The following THSD7A variants were observed in gnomAD, a reference collection of about 807,000 sequenced individuals.
The protein encoded by THSD7A is thrombospondin type-1 domain-containing protein 7A.
A neutral mutation model predicts 231.3 loss-of-function variants in THSD7A; 96 were observed. That is an observed-to-expected ratio of 0.41 (90% CI 0.35 to 0.49). The LOEUF (loss-of-function observed/expected upper bound fraction) is 0.49. THSD7A is among the 20% of genes least tolerant of loss of function. The probability of loss-of-function intolerance (pLI) is 0.05; values close to 1 mark genes in which losing one functional copy is unlikely to be tolerated. For synonymous variants in THSD7A, 940 were observed against 743.3 expected, an observed-to-expected ratio of 1.26 and a Z score of -4.30; for missense variants, 2,290 against 2,070.2, an observed-to-expected ratio of 1.11 and a Z score of -2.06.
chr7:11,498,766 A>C (rs1787213723), intron 6 of THSD7A, among the ~76,000 whole-genome samples: 1 of 152,096 alleles, frequency 6.6e-6, no homozygotes, highest in Non-Finnish European at 1.5e-5. Flanking sequence ...CAAAGCTCCT[A>C]GAGGGAGAGA....
intron 10 of THSD7A, 24 bp from the exon 11 acceptor site, chr7:11,460,789 A>AGTGG (rs1785478176): frequency 6.3e-7 from 1 of 1,595,056 alleles, no homozygotes; most frequent in African/African-American, 1.3e-5. Context: ...ACAGAAGCCC[A>AGTGG]GTGGGGAAGA....
At chr7:11,642,761 C>G (rs116275175) in intron 1 of THSD7A, among the ~76,000 whole-genome samples, 2,532 of 152,202 alleles carry the variant, frequency 0.017, 66 homozygotes, top group African/African-American at 0.057. Context: ...TAATTCTGCA[C>G]TAACTTTAAC....
At position 11,831,520 on chromosome 7, in the gene THSD7A, T is replaced by C. The variant is rs907961847; in HGVS notation, c.190+237A>G. ...TCATGGAAGTGCGCGTTGCCCTCAT[T>C]ACAGAGCTGCGAGAGAAATATTCCA... On this transcript the variant is annotated intron_variant, in intron 1 of 27. Transcript: ENST00000423059. This position sits in a 1 kb window ranked among gnomAD's most constrained non-coding sequence, Gnocchi z 5.0. Among the ~76,000 whole-genome samples, 2 of 152,190 alleles carry C rather than the reference T, an allele frequency of 1.3e-5. No individual in the cohort carries two copies. The highest frequency in any genetic ancestry group is 2.9e-5 in the Non-Finnish European group (2 of 68,038).
At chr7:11,642,563 C>G (rs1782124972) in intron 1 of THSD7A, among the ~76,000 whole-genome samples, 2 of 152,076 alleles carry the variant, frequency 1.3e-5, no homozygotes, top group African/African-American at 4.8e-5. Context: ...GAAAGAAACA[C>G]TGGATGTCTT....
chr7:11,512,191 T>A (rs1787839455), intron 6 of THSD7A, among the ~76,000 whole-genome samples: 1 of 152,166 alleles, frequency 6.6e-6, no homozygotes, highest in African/African-American at 2.4e-5. Context: ...AAAATGCTCA[T>A]CATCACTGGC....
intron 3 of THSD7A, among the ~76,000 whole-genome samples, chr7:11,591,201 G>A (rs953925658): frequency 2.0e-5 from 3 of 147,916 alleles, no homozygotes; most frequent in East Asian, 2.0e-4. Flanking sequence ...TAATGAGTGC[G>A]GATGCATGAT....
intron 1 of THSD7A, among the ~76,000 whole-genome samples, chr7:11,797,253 G>C (rs375049792): frequency 2.8e-4 from 42 of 152,058 alleles, no homozygotes; most frequent in African/African-American, 9.9e-4. Flanking sequence ...TCATAATGCT[G>C]TTGTTAATTA....
chr7:11,559,489 G>A (rs1418361328), intron 4 of THSD7A, among the ~76,000 whole-genome samples: 1 of 115,088 alleles, frequency 8.7e-6, no homozygotes, highest in Non-Finnish European at 1.9e-5. Context: ...AAAATTTTAA[G>A]GTAATCCATA....
intron 22 of THSD7A, among the ~76,000 whole-genome samples, 154 bp from the exon 23 acceptor site, chr7:11,402,122 T>A (rs1347463882): frequency 6.6e-6 from 1 of 152,248 alleles, no homozygotes; most frequent in African/African-American, 2.4e-5. Context: ...ATTTGTAAAT[T>A]TGTAATTGTA....
intron 4 of THSD7A, among the ~76,000 whole-genome samples, chr7:11,555,587 G>T (rs1045121511): frequency 6.6e-6 from 1 of 151,814 alleles, no homozygotes; most frequent in African/African-American, 2.4e-5. Context: ...TTGGTTGATG[G>T]TACTGAGTTC....
At chr7:11,695,065 C>T (rs1780346858) in intron 1 of THSD7A, among the ~76,000 whole-genome samples, 1 of 151,408 alleles carries the variant, frequency 6.6e-6, no homozygotes, top group African/African-American at 2.4e-5. Flanking sequence ...AAAACCAAGA[C>T]CCAGTAAAGT....
At chr7:11,626,509 T>C (rs1439991927) in intron 2 of THSD7A, among the ~76,000 whole-genome samples, 1 of 152,176 alleles carries the variant, frequency 6.6e-6, no homozygotes, top group Non-Finnish European at 1.5e-5. Flanking sequence ...GAGATAATCA[T>C]ACGCTGGGAT....
chr7:11,821,722 C>T (rs1404177372), intron 1 of THSD7A, among the ~76,000 whole-genome samples: 1 of 152,108 alleles, frequency 6.6e-6, no homozygotes, highest in Non-Finnish European at 1.5e-5. Context: ...GAACCTCCTA[C>T]AAAATTACCC....
At chr7:11,639,542 G>GC (rs1355068561) in intron 1 of THSD7A, among the ~76,000 whole-genome samples, 2 of 151,940 alleles carry the variant, frequency 1.3e-5, no homozygotes, top group Non-Finnish European at 2.9e-5. Context: ...GGTGGCGGGC[G>GC]CTGTAGTCCT....
chr7:11,693,043 T>A lies in THSD7A; in HGVS notation c.191-56082A>T, dbSNP rs1780282468. Reference sequence around the variant, plus strand: ...ATACACTGTTGAAATAACAAATATATTCCTCAGAGTTATTGACCTCTGCTT... The same window carrying A: ...ATACACTGTTGAAATAACAAATATAATCCTCAGAGTTATTGACCTCTGCTT... On this transcript the variant is annotated intron_variant, in intron 1 of 27. Transcript: ENST00000423059. Among the ~76,000 whole-genome samples, 3 of 151,532 alleles carry A rather than the reference T, an allele frequency of 2.0e-5. No homozygotes were observed. In the Admixed American group the frequency reaches 2.0e-4, roughly 10 times the overall value.
intron 2 of THSD7A, among the ~76,000 whole-genome samples, chr7:11,602,791 T>C (rs1339156496): frequency 6.6e-6 from 1 of 151,724 alleles, no homozygotes; most frequent in African/African-American, 2.4e-5. Context: ...TTACGTAGAT[T>C]CTGGTGGTGA....
intron 17 of THSD7A, among the ~76,000 whole-genome samples, chr7:11,414,698 G>C (rs1210648624): frequency 6.6e-6 from 1 of 152,188 alleles, no homozygotes; most frequent in African/African-American, 2.4e-5. Flanking sequence ...TCTAAGAACA[G>C]TAAGAAACCA....
intron 1 of THSD7A, among the ~76,000 whole-genome samples, chr7:11,651,952 A>G (rs1022852950): frequency 2.6e-5 from 4 of 151,936 alleles, no homozygotes; most frequent in African/African-American, 7.2e-5. Context: ...TGTAGAAACC[A>G]TCTTCTCAGA....
chr7:11,636,765 C>T lies in THSD7A; in HGVS notation c.387G>A (p.Trp129Ter). The T allele has an allele frequency of 6.2e-7, 1 of 1,613,984 alleles. No homozygotes were observed. Among genetic ancestry groups the T allele is most frequent in the Non-Finnish European group, 8.5e-7 (1 of 1,179,886 alleles). ...KELYDWRLGP[W>*]NQCQPVISKS... is the part of the protein sequence containing the mutation. ...TTGAAATCACGGGCTGACACTGATT[C>T]CAAGGTCCCAGTCTCCAGTCGTACA... is the stretch of plus-strand genomic sequence containing the variant. The change falls in exon 2 of 28, where the codon TGG becomes TGA. Residue 129 changes from tryptophan to a stop codon, truncating the protein, a stop_gained. Coordinates refer to ENST00000423059, the MANE Select transcript of THSD7A (RefSeq NM_015204.3). LOFTEE classifies it high-confidence loss of function. The surrounding 1 kb of genome is among the most constrained non-coding windows in gnomAD (Gnocchi z 10.0).
Sources: allele counts gnomAD v4.1 joint callset (sites outside exome capture counted in the v4.1 genomes callset), GRCh38; gene constraint gnomAD v4.1.1; non-coding constraint Gnocchi (gnomAD v3.1); transcripts MANE v1.5; gene names NCBI Gene and HGNC (gene_info 2026-07-23, HGNC 2026-07-21).